The following DENND1A variants were observed in gnomAD, a reference collection of about 807,000 sequenced individuals.
DENND1A encodes the protein DENN domain-containing protein 1A.
DENND1A carries 51 observed loss-of-function variants against 113.7 expected under a neutral mutation model. The ratio of observed to expected loss-of-function variants is 0.45; its 90% confidence interval spans 0.36 to 0.57. The LOEUF (loss-of-function observed/expected upper bound fraction) is 0.57, where lower values mean the gene tolerates loss of function less well. Ranked by LOEUF, DENND1A falls within the 20% of genes least tolerant of loss-of-function variation. The pLI is 0.00. For missense variants in DENND1A, 1,258 were observed against 1,395.9 expected, an observed-to-expected ratio of 0.90 and a Z score of 1.57; for synonymous variants, 565 against 570.8, an observed-to-expected ratio of 0.99 and a Z score of 0.14.
chr9:123,425,581 C>A (rs1490604046), intron 19 of DENND1A, among the ~76,000 whole-genome samples: 1 of 151,910 alleles, frequency 6.6e-6, no homozygotes, highest in Admixed American at 6.6e-5. Flanking sequence ...CACGTCACTG[C>A]CTTTCCTGCC....
At chr9:123,876,214 T>C (rs892485763) in intron 2 of DENND1A, among the ~76,000 whole-genome samples, 23 of 152,012 alleles carry the variant, frequency 1.5e-4, no homozygotes, top group African/African-American at 5.1e-4. Context: ...TTCAAAAACA[T>C]GTCAAAAAAG....
At chr9:123,812,104 T>A (rs1372963502) in intron 2 of DENND1A, among the ~76,000 whole-genome samples, 1 of 152,182 alleles carries the variant, frequency 6.6e-6, no homozygotes, top group Non-Finnish European at 1.5e-5. Context: ...GAAGTAACCA[T>A]TTTTTAAGGT....
chr9:123,618,806 C>A (rs545035874), intron 10 of DENND1A, among the ~76,000 whole-genome samples: 85 of 152,212 alleles, frequency 5.6e-4, no homozygotes, highest in Non-Finnish European at 1.1e-3. Context: ...CGCTATACTC[C>A]TGACATCGGT....
chr9:123,847,161 A>AAG (rs1564381420), intron 2 of DENND1A, among the ~76,000 whole-genome samples: 1 of 152,212 alleles, frequency 6.6e-6, no homozygotes, highest in South Asian at 2.1e-4. Flanking sequence ...TGGTTTTAAA[A>AAG]GCAATTAGAC....
At position 123,919,675 on chromosome 9, in the gene DENND1A, T is replaced by A. The variant is rs745848423; in HGVS notation, c.17+10214A>T. Among the ~76,000 whole-genome samples the A allele has an allele frequency of 3.3e-3, 489 of 148,968 alleles. 1 individual carries two copies. The highest frequency in any genetic ancestry group is 5.3e-3 in the Non-Finnish European group (357 of 66,850). ...GGCAGGCAGATCACTTGAGGTCAGG[T>A]GTTTGAGATCAGCCTGGCCAAAATG... On this transcript the variant is annotated intron_variant, in intron 1 of 23. Transcript: ENST00000394215.
intron 5 of DENND1A, among the ~76,000 whole-genome samples, chr9:123,698,691 TGCA>T (rs2140559552): frequency 6.6e-6 from 1 of 152,362 alleles, no homozygotes; most frequent in East Asian, 1.9e-4. Context: ...CCAGAAGATA[TGCA>T]TTCCTATAGA....
chr9:123,687,940 G>A lies in DENND1A; in HGVS notation c.303-11151C>T, dbSNP rs570154572. 5.7e-4 allele frequency among the ~76,000 whole-genome samples: 87 copies of A among 152,332 alleles called. 2 individuals are homozygous for A. The South Asian group carries it at 0.017, about 30-fold the overall frequency. On this transcript the variant is annotated intron_variant, in intron 5 of 23. Transcript: ENST00000394215. ...AAGCCCAGCAATCCTGAAGAGGACT[G>A]AATCTATTCAACTACAACTACAAGA...
chr9:123,711,736 C>T (rs2066648774), intron 5 of DENND1A, among the ~76,000 whole-genome samples: 1 of 151,784 alleles, frequency 6.6e-6, no homozygotes, highest in African/African-American at 2.4e-5. Context: ...CTCCCCTTAA[C>T]CTTCCCATTA....
At chr9:123,921,290 G>A (rs966938060) in intron 1 of DENND1A, among the ~76,000 whole-genome samples, 2 of 152,016 alleles carry the variant, frequency 1.3e-5, no homozygotes, top group African/African-American at 4.8e-5. Flanking sequence ...AACCCTGTAG[G>A]TTAATTTATT....
At chr9:123,799,944 C>T (rs778548820) in intron 2 of DENND1A, among the ~76,000 whole-genome samples, 7 of 152,194 alleles carry the variant, frequency 4.6e-5, no homozygotes, top group Non-Finnish European at 1.0e-4. Context: ...TAAGCAAGCA[C>T]TATAAATTCA....
intron 13 of DENND1A, among the ~76,000 whole-genome samples, chr9:123,557,338 G>C (rs952123135): frequency 6.6e-6 from 1 of 152,202 alleles, no homozygotes; most frequent in Admixed American, 6.5e-5. Context: ...GTCTAGGGTG[G>C]TGCACAGGGC....
chr9:123,510,632 T>A (rs755957396), intron 13 of DENND1A, among the ~76,000 whole-genome samples: 1 of 152,106 alleles, frequency 6.6e-6, no homozygotes, highest in African/African-American at 2.4e-5. Context: ...TTAGACTCCA[T>A]ACCACAGGCC....
At chr9:123,506,940 C>T (rs1233445829) in intron 13 of DENND1A, among the ~76,000 whole-genome samples, 3 of 152,224 alleles carry the variant, frequency 2.0e-5, no homozygotes, top group African/African-American at 7.2e-5. Flanking sequence ...AATCACAGCA[C>T]TTTGGGATGC....
chr9:123,757,646 T>C, intron 5 of DENND1A, 57 bp downstream of exon 5: 1 of 1,593,590 alleles, frequency 6.3e-7, no homozygotes, highest in East Asian at 2.3e-5. Flanking sequence ...GGAAGAGCAA[T>C]GCAGAAGCTG....
intron 6 of DENND1A, among the ~76,000 whole-genome samples, chr9:123,674,996 C>T (rs772047278): frequency 6.6e-6 from 1 of 152,162 alleles, no homozygotes; most frequent in Non-Finnish European, 1.5e-5. Context: ...CTAAAGGTAA[C>T]TGTGAATCAG....
At chr9:123,674,333 G>GTCTC (rs147489412) in intron 6 of DENND1A, among the ~76,000 whole-genome samples, 3,329 of 113,522 alleles carry the variant, frequency 0.029, 79 homozygotes, top group Middle Eastern at 0.043. Context: ...CTCTGTCTCT[G>GTCTC]TCTCTCTCTC....
chr9:123,926,874 A>C (rs1302580475), intron 1 of DENND1A, among the ~76,000 whole-genome samples: 2 of 152,030 alleles, frequency 1.3e-5, no homozygotes, highest in Admixed American at 6.6e-5. Context: ...TACGGGACAC[A>C]GACAAGAAAC....
chr9:123,921,728 C>T (rs1313683184), intron 1 of DENND1A, among the ~76,000 whole-genome samples: 1 of 152,170 alleles, frequency 6.6e-6, no homozygotes, highest in Non-Finnish European at 1.5e-5. Flanking sequence ...ATGCCTTATC[C>T]CAATTATAAC....
chr9:123,900,473 G>A (rs1285968380), intron 1 of DENND1A, among the ~76,000 whole-genome samples: 2 of 152,190 alleles, frequency 1.3e-5, no homozygotes, highest in African/African-American at 4.8e-5. Flanking sequence ...TGCGGCAGGA[G>A]GGTAAAGGGG....
Sources: allele counts gnomAD v4.1 joint callset (sites outside exome capture counted in the v4.1 genomes callset), GRCh38; gene constraint gnomAD v4.1.1; transcripts MANE v1.5; gene names NCBI Gene and HGNC (gene_info 2026-07-23, HGNC 2026-07-21).